Variants in PRKD1 observed in about 807,000 individuals in gnomAD.
PRKD1 encodes serine/threonine-protein kinase D1.
Under a neutral mutation model 95.9 loss-of-function variants are expected in PRKD1, and 63 were observed. The ratio of observed to expected loss-of-function variants is 0.66; its 90% CI spans 0.54 to 0.81. The LOEUF is 0.81. Ranked by LOEUF, PRKD1 falls within the 30% of genes least tolerant of loss-of-function variation. The pLI is 0.00. For missense variants in PRKD1, 1,048 were observed against 1,165.3 expected (o/e 0.90, Z 1.47); for synonymous variants, 425 against 423.1 (o/e 1.00, Z -0.05).
At chr14:29,684,092 T>C (rs1042164868) in intron 2 of PRKD1, among the ~76,000 whole-genome samples, 6 of 151,958 alleles carry the variant, frequency 3.9e-5, no homozygotes, top group African/African-American at 1.2e-4. Context: ...TCAAGAACCA[T>C]CTTTTCCAGG....
chr14:29,671,941 T>A (rs45535942), intron 2 of PRKD1, among the ~76,000 whole-genome samples: 1 of 152,084 alleles, frequency 6.6e-6, no homozygotes, highest in East Asian at 1.9e-4. Context: ...CTGTGAAAGA[T>A]AAAAGAGAGA....
chr14:29,596,440 AT>A (rs1893307268), intron 16 of PRKD1, among the ~76,000 whole-genome samples: 2 of 151,580 alleles, frequency 1.3e-5, no homozygotes, highest in African/African-American at 2.4e-5. Context: ...CTAGCTTTGT[AT>A]TTTGACCAGT....
chr14:29,926,354 C>G (rs1895293868), intron 1 of PRKD1, among the ~76,000 whole-genome samples: 2 of 152,138 alleles, frequency 1.3e-5, no homozygotes, highest in Non-Finnish European at 2.9e-5. Flanking sequence ...GGCGCCATGG[C>G]CCCCTCTGCC....
At chr14:29,859,803 AT>A (rs1307415822) in intron 1 of PRKD1, among the ~76,000 whole-genome samples, 2 of 152,236 alleles carry the variant, frequency 1.3e-5, no homozygotes, top group East Asian at 3.8e-4. Flanking sequence ...CATTCAAAGC[AT>A]GCAAAAAGAC....
chr14:29,927,219 C>CA, intron 1 of PRKD1, 30 bp downstream of exon 1: 1 of 1,468,542 alleles, frequency 6.8e-7, no homozygotes, highest in Non-Finnish European at 9.0e-7. Flanking sequence ...CGCGGGGAGG[C>CA]GCCGGGCTGG....
intron 1 of PRKD1, among the ~76,000 whole-genome samples, chr14:29,895,444 G>C (rs1894089460): frequency 6.6e-6 from 1 of 151,948 alleles, no homozygotes; most frequent in Admixed American, 6.6e-5. Flanking sequence ...GAAGCCCCTA[G>C]CCGCCCTCCC....
At chr14:29,782,550 G>A (rs1248503289) in intron 1 of PRKD1, among the ~76,000 whole-genome samples, 4 of 150,942 alleles carry the variant, frequency 2.7e-5, no homozygotes, top group East Asian at 1.9e-4. Context: ...TTGCTTTTTT[G>A]ATACAGGGTC....
At chr14:29,762,013 C>A (rs998534924) in intron 1 of PRKD1, among the ~76,000 whole-genome samples, 1 of 151,970 alleles carries the variant, frequency 6.6e-6, no homozygotes, top group Non-Finnish European at 1.5e-5. Flanking sequence ...CTCAAATAAT[C>A]CTGCTGCCTT....
chr14:29,755,652 G>C (rs1456462010), intron 1 of PRKD1, among the ~76,000 whole-genome samples: 4 of 152,116 alleles, frequency 2.6e-5, no homozygotes, highest in Admixed American at 6.6e-5. Context: ...CTGAATAATA[G>C]ATCTTTCCTG....
chr14:29,644,026 G>C (rs1041876117), intron 4 of PRKD1, among the ~76,000 whole-genome samples: 1 of 152,134 alleles, frequency 6.6e-6, no homozygotes, highest in African/African-American at 2.4e-5. Flanking sequence ...AGCTCCTATG[G>C]AAGAACAAAG....
At chr14:29,788,995 T>C (rs751869232) in intron 1 of PRKD1, among the ~76,000 whole-genome samples, 2 of 152,128 alleles carry the variant, frequency 1.3e-5, no homozygotes, top group Non-Finnish European at 2.9e-5. Context: ...CGAGCAATCC[T>C]CCCACATCAG....
chr14:29,716,406 C>G (rs995294334), intron 2 of PRKD1, among the ~76,000 whole-genome samples: 1 of 152,114 alleles, frequency 6.6e-6, no homozygotes, highest in South Asian at 2.1e-4. Flanking sequence ...TAGGTCTTGC[C>G]AGCTGACCCT....
At chr14:29,612,331 C>T (rs947823334) in intron 13 of PRKD1, among the ~76,000 whole-genome samples, 5 of 152,148 alleles carry the variant, frequency 3.3e-5, no homozygotes, top group Non-Finnish European at 7.4e-5. Flanking sequence ...ACAGTACATA[C>T]ACAACATTTT....
At chr14:29,787,994 G>T (rs1889351361) in intron 1 of PRKD1, among the ~76,000 whole-genome samples, 1 of 151,694 alleles carries the variant, frequency 6.6e-6, no homozygotes, top group Non-Finnish European at 1.5e-5. Flanking sequence ...TTTCTCATTT[G>T]TGTATCTGCA....
intron 1 of PRKD1, among the ~76,000 whole-genome samples, chr14:29,759,138 T>C (rs796254469): frequency 5.3e-5 from 8 of 152,300 alleles, no homozygotes; most frequent in South Asian, 2.1e-4. Flanking sequence ...TGTGGTGTTG[T>C]ACAATCACAG....
chr14:29,642,510 A>AT (rs1250133745), intron 4 of PRKD1, among the ~76,000 whole-genome samples: 1 of 152,232 alleles, frequency 6.6e-6, no homozygotes, highest in African/African-American at 2.4e-5. Context: ...AGGAAACTAG[A>AT]TAGCAATTCG....
intron 1 of PRKD1, among the ~76,000 whole-genome samples, chr14:29,737,357 A>AAAAAAAAG (rs1555340095): frequency 2.0e-5 from 3 of 147,844 alleles, no homozygotes; most frequent in African/African-American, 2.5e-5. Context: ...AAAAAAAAAA[A>AAAAAAAAG]AAAAATACTC....
chr14:29,741,914 G>A (rs1470212707), intron 1 of PRKD1, among the ~76,000 whole-genome samples: 1 of 151,692 alleles, frequency 6.6e-6, no homozygotes, highest in Non-Finnish European at 1.5e-5. Context: ...TTAATTCCAT[G>A]TATTGTGCTA....
chr14:29,653,072 G>A (rs1410931214), intron 4 of PRKD1, among the ~76,000 whole-genome samples: 1 of 152,142 alleles, frequency 6.6e-6, no homozygotes, highest in Non-Finnish European at 1.5e-5. Context: ...GCAGCCTAGA[G>A]CTCATTTTAG....
Sources: allele counts gnomAD v4.1 joint callset (sites outside exome capture counted in the v4.1 genomes callset), GRCh38; gene constraint gnomAD v4.1.1; transcripts MANE v1.5; gene names NCBI Gene and HGNC (gene_info 2026-07-23, HGNC 2026-07-21).